TXNRD3: variants seen among roughly 807,000 people sequenced by gnomAD.
TXNRD3 encodes the protein thioredoxin reductase 3, also known as TXNRD3 neighbor gene protein.
A neutral mutation model predicts 78.2 loss-of-function variants in TXNRD3; 68 were observed. The ratio of observed to expected loss-of-function variants is 0.87; its 90% CI spans 0.72 to 1.06. TXNRD3 has a LOEUF of 1.06. Ranked by LOEUF, TXNRD3 falls within the 50% of genes least tolerant of loss-of-function variation. TXNRD3 has a pLI of 0.00. For synonymous variants in TXNRD3, 296 were observed against 300.1 expected (o/e 0.99, Z 0.14); for missense variants, 751 against 809.5 (o/e 0.93, Z 0.88).
In TXNRD3 at chr3:126,655,086, T is replaced by C; in HGVS notation, c.-96A>G. 7 of 1,298,832 alleles carry C rather than the reference T, an allele frequency of 5.4e-6. No homozygotes were observed. The highest frequency in any genetic ancestry group is 3.3e-5 in the East Asian group (1 of 30,074). 80.5% of individuals were successfully genotyped at this position (1,298,832 alleles called of 1,614,324 possible). On this transcript the variant is annotated 5_prime_UTR_variant, in exon 1 of 16. Transcript: ENST00000524230. ...ACGGGGCCTGAGGGGCGGCGAACGC[T>C]GCCCTCGCTGGCCACTCTCACCACC... is the stretch of plus-strand genomic sequence containing the variant.
rs1382368592 is a variant in TXNRD3 at position 126,640,262 on chromosome 3, G to A, written c.712+1770C>T. ...TGGGACTACAGGCGCCCGCCACTACGCCCGGCTAATTTTTTGTATTTTTTT... is the reference window on the plus strand; with the variant it reads ...TGGGACTACAGGCGCCCGCCACTACACCCGGCTAATTTTTTGTATTTTTTT... On this transcript the variant is annotated intron_variant, in intron 6 of 15. Coordinates refer to ENST00000524230, the MANE Select transcript of TXNRD3 (RefSeq NM_052883.3). 4.4e-5 allele frequency among the ~76,000 whole-genome samples: 2 copies of A among 45,426 alleles called. 1 individual carries two copies. The highest frequency in any genetic ancestry group is 1.6e-4 in the Non-Finnish European group (2 of 12,264). The allele number at this position is 45,426 out of a possible 152,430, so 29.8% of individuals were successfully genotyped here. A position where few individuals can be genotyped will look rare whatever the true frequency, so the allele number is the denominator to read the frequency against.
intron 5 of TXNRD3, among the ~76,000 whole-genome samples, chr3:126,643,478 A>G (rs1933143066): frequency 6.6e-6 from 1 of 152,202 alleles, no homozygotes; most frequent in Non-Finnish European, 1.5e-5. Context: ...AATATAGTCA[A>G]TTATGAAACC....
intron 9 of TXNRD3, 24 bp downstream of exon 9, chr3:126,630,688 A>T: frequency 6.5e-7 from 1 of 1,530,736 alleles, no homozygotes; most frequent in Non-Finnish European, 8.7e-7. Flanking sequence ...GAGAAAAAAA[A>T]TTGCAAATGC....
chr3:126,622,601 T>G, intron 10 of TXNRD3, 61 bp from the exon 11 acceptor site: 1 of 1,169,646 alleles, frequency 8.5e-7, no homozygotes, highest in Non-Finnish European at 1.2e-6. Context: ...AGAAGGAACA[T>G]CACTATAGAT....
intron 7 of TXNRD3, among the ~76,000 whole-genome samples, chr3:126,632,602 G>A (rs1938746733): frequency 2.0e-5 from 3 of 148,092 alleles, no homozygotes; most frequent in Non-Finnish European, 4.5e-5. Context: ...GGAGGTTGCA[G>A]TGAATCAAGA....
chr3:126,623,558 A>G (rs1217965573), intron 10 of TXNRD3, among the ~76,000 whole-genome samples: 2 of 152,340 alleles, frequency 1.3e-5, no homozygotes, highest in East Asian at 3.9e-4. Context: ...AAATCCATCA[A>G]TGTAATTCAT....
intron 14 of TXNRD3, 89 bp from the exon 15 acceptor site, chr3:126,608,722 A>C: frequency 7.3e-7 from 1 of 1,360,556 alleles, no homozygotes; most frequent in Non-Finnish European, 9.7e-7. Context: ...GTTAAAATAT[A>C]CAGTATCTAC....
rs116996401 is a variant in TXNRD3 at position 126,607,677 on chromosome 3, G to A, written c.*228C>T. Reference sequence around the variant, plus strand: ...TCATAACGGGGCTCCAAGCTAAGGCGTCAAGGAAGCAGTCCCACTGCTTCT... The same window carrying A: ...TCATAACGGGGCTCCAAGCTAAGGCATCAAGGAAGCAGTCCCACTGCTTCT... On this transcript the variant is annotated 3_prime_UTR_variant, in exon 16 of 16. Transcript: ENST00000524230. The A allele has an allele frequency of 2.6e-5, 9 of 350,126 alleles. No homozygotes were observed. Among genetic ancestry groups the A allele is most frequent in the Admixed American group, 9.4e-5 (2 of 21,254 alleles). The allele number at this position is 350,126 out of a possible 1,614,324, so 21.7% of individuals were successfully genotyped here. A position where few individuals can be genotyped will look rare whatever the true frequency, so the allele number is the denominator to read the frequency against.
chr3:126,629,566 T>A (rs1190557212), intron 9 of TXNRD3, 95 bp from the exon 10 acceptor site: 2 of 930,722 alleles, frequency 2.1e-6, no homozygotes, highest in Non-Finnish European at 3.1e-6. Flanking sequence ...TACATTTGTG[T>A]GTTTGGTGGT....
In TXNRD3 at chr3:126,611,121, A is replaced by T; in HGVS notation, c.1644T>A (p.Thr548=). 6.6e-7 allele frequency: 1 copy of T among 1,519,766 alleles called. No homozygotes were observed. The highest frequency in any genetic ancestry group is 8.8e-7 in the Non-Finnish European group (1 of 1,138,510). The allele number at this position is 1,519,766 out of a possible 1,614,324, so 94.1% of individuals were successfully genotyped here. Residue 548 remains threonine (T), a synonymous_variant, in exon 14 of 16, where the codon ACT becomes ACA. Coordinates refer to ENST00000524230, the MANE Select transcript of TXNRD3 (RefSeq NM_052883.3). ...CTGTCCATTCAAGAGGCCAGAACAA[A>T]GTATGATATATCTGGAAGATAAAAG...
At chr3:126,636,348 C>T (rs77362796) in intron 6 of TXNRD3, among the ~76,000 whole-genome samples, 4 of 152,086 alleles carry the variant, frequency 2.6e-5, no homozygotes, top group East Asian at 1.9e-4. Context: ...CTTTTTCTAT[C>T]GGCCCTTTGT....
At chr3:126,625,928 T>G (rs979233573) in intron 10 of TXNRD3, 2 of 152,804 alleles carry the variant, frequency 1.3e-5, no homozygotes, top group Non-Finnish European at 2.9e-5. Flanking sequence ...AGAAAACATG[T>G]TCAAAACAAA....
intron 7 of TXNRD3, among the ~76,000 whole-genome samples, chr3:126,633,133 T>C (rs189698033): frequency 3.9e-5 from 6 of 152,338 alleles, no homozygotes; most frequent in Admixed American, 3.3e-4. Context: ...AAATATAGAT[T>C]ATATGGCAAA....
At chr3:126,631,900 C>T (rs765836215) in intron 7 of TXNRD3, 21 bp from the exon 8 acceptor site, 433 of 1,482,756 alleles carry the variant, frequency 2.9e-4, no homozygotes, top group Non-Finnish European at 3.7e-4. Flanking sequence ...GAGAAGTAAA[C>T]CTCACTTAGC....
In TXNRD3 at chr3:126,633,384, G is replaced by T. The variant is rs1429099231; in HGVS notation, c.855+525C>A. Among the ~76,000 whole-genome samples, 3 of 152,040 alleles carry T rather than the reference G, an allele frequency of 2.0e-5. No homozygotes were observed. In the East Asian group the frequency reaches 5.8e-4, roughly 29 times the overall value. ...GTACAAAAATAAACTAGATGATGAGGACAATATCTGATTGTCATAATTCCA... is the reference window on the plus strand; with the variant it reads ...GTACAAAAATAAACTAGATGATGAGTACAATATCTGATTGTCATAATTCCA... On this transcript the variant is annotated intron_variant, in intron 7 of 15. Coordinates refer to ENST00000524230, the MANE Select transcript of TXNRD3 (RefSeq NM_052883.3).
chr3:126,646,836 T>A (rs912476909), intron 2 of TXNRD3, among the ~76,000 whole-genome samples: 1 of 152,212 alleles, frequency 6.6e-6, no homozygotes, highest in Non-Finnish European at 1.5e-5. Flanking sequence ...GATGTATGAA[T>A]GCCAAGAATT....
chr3:126,646,236 A>C lies in TXNRD3; in HGVS notation c.305-16T>G. 1 of 1,496,420 alleles carries C rather than the reference A, an allele frequency of 6.7e-7. No homozygotes were observed. The highest frequency in any genetic ancestry group is 8.8e-7 in the Non-Finnish European group (1 of 1,134,080). 92.7% of individuals were successfully genotyped at this position (1,496,420 alleles called of 1,614,324 possible). On this transcript the variant is annotated splice_polypyrimidine_tract_variant and intron_variant, in intron 2 of 15. Transcript: ENST00000524230. Reference sequence around the variant, plus strand: ...GCCCCATCATCTAAAGAAGAAAAAAACTATATATAAAAACACTGAAAAGAG... The same window carrying C: ...GCCCCATCATCTAAAGAAGAAAAAACCTATATATAAAAACACTGAAAAGAG...
chr3:126,643,249 G>A (rs866273937), intron 5 of TXNRD3, among the ~76,000 whole-genome samples: 21 of 152,214 alleles, frequency 1.4e-4, no homozygotes, highest in South Asian at 2.1e-4. Context: ...CTTATGGAGC[G>A]TACAGCAGGG....
At chr3:126,631,709 G>T in intron 8 of TXNRD3, 55 bp downstream of exon 8, 1 of 1,111,794 alleles carries the variant, frequency 9.0e-7, no homozygotes, top group Non-Finnish European at 1.3e-6. Flanking sequence ...CTGGAAACAT[G>T]TCAATATAAT....
Sources: allele counts gnomAD v4.1 joint callset (sites outside exome capture counted in the v4.1 genomes callset), GRCh38; gene constraint gnomAD v4.1.1; transcripts MANE v1.5; gene names NCBI Gene and HGNC (gene_info 2026-07-23, HGNC 2026-07-21).